Variants in PHTF2 observed in about 807,000 individuals in gnomAD.
PHTF2 encodes putative homeodomain transcription factor 2.
PHTF2 carries 60 observed loss-of-function variants against 101.2 expected under a neutral mutation model. That is an observed-to-expected ratio of 0.59 (90% CI 0.48 to 0.73). PHTF2 has a LOEUF of 0.73. Ranked by LOEUF, PHTF2 falls within the 30% of genes least tolerant of loss-of-function variation. The pLI, the probability that PHTF2 is intolerant of heterozygous loss-of-function variation, is 0.00. For missense variants in PHTF2, 747 were observed against 908.7 expected (o/e 0.82, Z 2.29); for synonymous variants, 311 against 307.3 (o/e 1.01, Z -0.13).
intron 16 of PHTF2, among the ~76,000 whole-genome samples, chr7:77,944,729 G>A (rs1805904173): frequency 6.6e-6 from 1 of 152,176 alleles, no homozygotes; most frequent in African/African-American, 2.4e-5. Context: ...TGATCAGGTG[G>A]AAACTAAGTT....
At chr7:77,880,073 A>C (rs1190953172) in intron 3 of PHTF2, among the ~76,000 whole-genome samples, 1 of 152,230 alleles carries the variant, frequency 6.6e-6, no homozygotes, top group South Asian at 2.1e-4. Flanking sequence ...TACTGTTGAC[A>C]TTATGACTTT....
chr7:77,887,847 G>T (rs1800006803), intron 3 of PHTF2, among the ~76,000 whole-genome samples: 1 of 152,130 alleles, frequency 6.6e-6, no homozygotes, highest in African/African-American at 2.4e-5. Flanking sequence ...CAAGAACCTT[G>T]ATAAAGTTGC....
At chr7:77,859,419 G>A (rs1329222390) in intron 3 of PHTF2, among the ~76,000 whole-genome samples, 1 of 152,134 alleles carries the variant, frequency 6.6e-6, no homozygotes, top group African/African-American at 2.4e-5. Context: ...CTGAGTAAGA[G>A]AAGGTCAGGA....
chr7:77,861,884 C>T (rs1215505949), intron 3 of PHTF2, among the ~76,000 whole-genome samples: 1 of 152,022 alleles, frequency 6.6e-6, no homozygotes, highest in Non-Finnish European at 1.5e-5. Flanking sequence ...ATGGAGAAAC[C>T]CCGTCTCCAC....
intron 1 of PHTF2, among the ~76,000 whole-genome samples, chr7:77,834,830 A>G (rs1369987219): frequency 1.3e-5 from 2 of 152,194 alleles, no homozygotes; most frequent in African/African-American, 2.4e-5. Flanking sequence ...GAGACAAAGA[A>G]TGTTGCCACA....
chr7:77,856,543 A>T (rs548323180), intron 3 of PHTF2, among the ~76,000 whole-genome samples: 4 of 152,064 alleles, frequency 2.6e-5, no homozygotes, highest in South Asian at 4.2e-4. Flanking sequence ...TTTTGTAAAG[A>T]TGGGGTCTTG....
intron 1 of PHTF2, 67 bp from the exon 2 acceptor site, chr7:77,840,154 A>C: frequency 1.2e-6 from 1 of 817,946 alleles, no homozygotes; most frequent in Non-Finnish European, 2.1e-6. Context: ...CTATGTCTGC[A>C]TGCTGTTCAG....
chr7:77,878,428 C>T (rs574172928), intron 3 of PHTF2, among the ~76,000 whole-genome samples: 1 of 151,926 alleles, frequency 6.6e-6, no homozygotes, highest in African/African-American at 2.4e-5. Context: ...TTTAGTTTTA[C>T]AATAGTGATG....
At chr7:77,861,676 AC>A (rs1242936983) in intron 3 of PHTF2, among the ~76,000 whole-genome samples, 2 of 152,200 alleles carry the variant, frequency 1.3e-5, no homozygotes, top group Admixed American at 1.3e-4. Flanking sequence ...TAATTCCAGC[AC>A]TTTGGGAGGC....
chr7:77,887,668 G>A (rs1479057121), intron 3 of PHTF2, among the ~76,000 whole-genome samples: 1 of 152,164 alleles, frequency 6.6e-6, no homozygotes. Flanking sequence ...GTTATTCTAA[G>A]GCATTGGTAT....
chr7:77,831,967 GAAGT>G (rs1250206936), intron 1 of PHTF2, among the ~76,000 whole-genome samples: 1 of 152,106 alleles, frequency 6.6e-6, no homozygotes, highest in African/African-American at 2.4e-5. Flanking sequence ...CTTATATGCA[GAAGT>G]AAGATGGCTT....
chr7:77,938,506 G>A (rs908306968), intron 13 of PHTF2, among the ~76,000 whole-genome samples: 19 of 152,140 alleles, frequency 1.2e-4, no homozygotes, highest in Admixed American at 3.3e-4. Context: ...TGAGGCGGGC[G>A]GATCACAAGG....
chr7:77,805,155 T>G (rs1792874337), intron 1 of PHTF2, among the ~76,000 whole-genome samples: 1 of 152,218 alleles, frequency 6.6e-6, no homozygotes, highest in South Asian at 2.1e-4. Context: ...AGTTTGTATT[T>G]TCCTAGGAAT....
intron 2 of PHTF2, among the ~76,000 whole-genome samples, chr7:77,849,295 T>C (rs1796552284): frequency 6.6e-6 from 1 of 150,496 alleles, no homozygotes; most frequent in Admixed American, 6.6e-5. Flanking sequence ...GGCTAATTTA[T>C]ATATATATAT....
exon 13 of PHTF2, chr7:77,937,710 A>G: frequency 1.6e-6 from 2 of 1,222,464 alleles, no homozygotes; most frequent in Non-Finnish European, 2.2e-6. Flanking sequence ...TTTTTTATAG[A>G]GTCATTTGCC....
chr7:77,806,891 C>T (rs1793036210), intron 1 of PHTF2, among the ~76,000 whole-genome samples: 2 of 152,020 alleles, frequency 1.3e-5, no homozygotes, highest in African/African-American at 4.8e-5. Flanking sequence ...TTTATGAGAA[C>T]CTTTTAACAG....
intron 3 of PHTF2, among the ~76,000 whole-genome samples, chr7:77,884,023 T>A (rs759387322): frequency 6.6e-6 from 1 of 152,156 alleles, no homozygotes; most frequent in Non-Finnish European, 1.5e-5. Context: ...GGTTGAGAGG[T>A]CAAGTACCTT....
intron 1 of PHTF2, among the ~76,000 whole-genome samples, chr7:77,818,666 A>G (rs754763153): frequency 2.0e-5 from 3 of 152,164 alleles, no homozygotes; most frequent in Non-Finnish European, 2.9e-5. Context: ...ACGGCTTTGT[A>G]GTATATTTGA....
intron 3 of PHTF2, among the ~76,000 whole-genome samples, chr7:77,881,749 C>T (rs1449808148): frequency 2.0e-5 from 3 of 152,140 alleles, no homozygotes; most frequent in Non-Finnish European, 4.4e-5. Flanking sequence ...GTACTTAAGC[C>T]AGAAACTGTC....
Sources: gnomAD v4.1 joint callset for allele counts (sites outside exome capture counted in the v4.1 genomes callset) on GRCh38, gnomAD v4.1.1 for gene constraint, MANE v1.5 for transcripts, NCBI Gene and HGNC (gene_info 2026-07-23, HGNC 2026-07-21) for gene names.